RPS6KC1: variants seen among roughly 807,000 people sequenced by gnomAD.
RPS6KC1 encodes the protein ribosomal protein S6 kinase C1.
A neutral mutation model predicts 103.8 loss-of-function variants in RPS6KC1; 54 were observed. The ratio of observed to expected loss-of-function variants is 0.52; its 90% CI spans 0.42 to 0.65. RPS6KC1 has a LOEUF of 0.65. Ranked by LOEUF, RPS6KC1 falls within the 30% of genes least tolerant of loss-of-function variation. The pLI is 0.00. For synonymous variants in RPS6KC1, 439 were observed against 438.7 expected (o/e 1.00, Z -0.01); for missense variants, 1,151 against 1,253.8 (o/e 0.92, Z 1.24).
At chr1:213,571,443 GAA>G in the RPS6KC1 span, among the ~76,000 whole-genome samples, 1 of 152,144 alleles carries the variant, frequency 6.6e-6, no homozygotes, top group African/African-American at 2.4e-5. Flanking sequence ...TGGGTCTTGG[GAA>G]GCAGAGAGGA....
the RPS6KC1 span, among the ~76,000 whole-genome samples, chr1:213,602,746 A>G: frequency 6.6e-6 from 1 of 152,202 alleles, no homozygotes; most frequent in Admixed American, 6.5e-5. Flanking sequence ...AGCCAGAGGT[A>G]GTAGATGCCA....
At chr1:213,462,997 T>A in the RPS6KC1 span, among the ~76,000 whole-genome samples, 1 of 152,210 alleles carries the variant, frequency 6.6e-6, no homozygotes, top group Admixed American at 6.5e-5. Flanking sequence ...GAGGCCTTAT[T>A]CTTAGGCCAC....
At chr1:213,836,409 C>A in the RPS6KC1 span, among the ~76,000 whole-genome samples, 1 of 152,104 alleles carries the variant, frequency 6.6e-6, no homozygotes, top group Non-Finnish European at 1.5e-5. Flanking sequence ...ACATGCACAA[C>A]CACACTTAAA....
the RPS6KC1 span, among the ~76,000 whole-genome samples, chr1:213,497,958 A>C: frequency 6.6e-6 from 1 of 152,186 alleles, no homozygotes; most frequent in Non-Finnish European, 1.5e-5. Flanking sequence ...AGATATAACT[A>C]AATAAACTAA....
the RPS6KC1 span, among the ~76,000 whole-genome samples, chr1:213,441,654 C>A: frequency 1.3e-5 from 2 of 152,188 alleles, no homozygotes; most frequent in Non-Finnish European, 2.9e-5. Context: ...ACCTTGGGTG[C>A]AGACATCTCT....
the RPS6KC1 span, among the ~76,000 whole-genome samples, chr1:213,437,777 A>AT: frequency 9.3e-5 from 14 of 150,776 alleles, no homozygotes; most frequent in Admixed American, 6.6e-4. Flanking sequence ...ATTCGCTGGG[A>AT]TTTTTTTAGC....
At chr1:213,281,667 C>G in the RPS6KC1 span, among the ~76,000 whole-genome samples, 1 of 152,242 alleles carries the variant, frequency 6.6e-6, no homozygotes, top group East Asian at 1.9e-4. Context: ...TTGCCACTCT[C>G]TGTCCCTCTG....
chr1:213,447,188 C>T, the RPS6KC1 span, among the ~76,000 whole-genome samples: 3 of 152,140 alleles, frequency 2.0e-5, no homozygotes, highest in African/African-American at 7.2e-5. Context: ...CTACCTCAGC[C>T]TCATAAGTAG....
chr1:213,283,419 C>A, the RPS6KC1 span, among the ~76,000 whole-genome samples: 1 of 152,104 alleles, frequency 6.6e-6, no homozygotes, highest in South Asian at 2.1e-4. Context: ...TCCCAAAGTA[C>A]AAGCAGTTGG....
chr1:213,791,065 A>T, the RPS6KC1 span, among the ~76,000 whole-genome samples: 1 of 100,242 alleles, frequency 1.0e-5, no homozygotes. Flanking sequence ...AAATCTATGA[A>T]ATATAAGAAT....
chr1:213,680,292 T>TA, the RPS6KC1 span, among the ~76,000 whole-genome samples: 1 of 152,276 alleles, frequency 6.6e-6, no homozygotes, highest in East Asian at 1.9e-4. Flanking sequence ...TTGTGCCTGT[T>TA]ACGTGAAAAA....
chr1:213,145,422 G>A (rs6671872), intron 6 of RPS6KC1, among the ~76,000 whole-genome samples: 110,763 of 151,944 alleles, frequency 0.73, 41,343 homozygotes, highest in African/African-American at 0.88. Flanking sequence ...TGTCCAGTGT[G>A]TTGTCTAGAG....
the RPS6KC1 span, among the ~76,000 whole-genome samples, chr1:213,784,450 C>T: frequency 6.6e-6 from 1 of 152,230 alleles, no homozygotes; most frequent in African/African-American, 2.4e-5. Flanking sequence ...TTGAGCTCCT[C>T]TCACATTGCT....
At chr1:213,116,254 A>T (rs1572629812) in intron 4 of RPS6KC1, among the ~76,000 whole-genome samples, 3 of 151,840 alleles carry the variant, frequency 2.0e-5, no homozygotes, top group African/African-American at 7.3e-5. Context: ...GGGTGCATAT[A>T]TATTTAGGAT....
intron 12 of RPS6KC1, 39 bp from the exon 13 acceptor site, chr1:213,261,519 C>T (rs769744592): frequency 5.1e-6 from 8 of 1,575,660 alleles, no homozygotes; most frequent in African/African-American, 1.3e-5. Flanking sequence ...TTTAATTGAC[C>T]TTTGGAATTT....
At chr1:213,096,372 G>A (rs1558307953) in intron 3 of RPS6KC1, among the ~76,000 whole-genome samples, 1 of 152,136 alleles carries the variant, frequency 6.6e-6, no homozygotes, top group Non-Finnish European at 1.5e-5. Flanking sequence ...TCATCCATGA[G>A]GGTTACAATC....
At chr1:213,578,170 G>A in the RPS6KC1 span, among the ~76,000 whole-genome samples, 1 of 152,232 alleles carries the variant, frequency 6.6e-6, no homozygotes, top group Non-Finnish European at 1.5e-5. Context: ...AAAAGCCTTG[G>A]CAGCTTACAC....
chr1:213,798,949 G>A, the RPS6KC1 span, among the ~76,000 whole-genome samples: 1 of 152,296 alleles, frequency 6.6e-6, no homozygotes, highest in Non-Finnish European at 1.5e-5. Context: ...TCCATGGCTG[G>A]AGCATATTGG....
At chr1:213,202,399 G>A (rs2148587953) in intron 8 of RPS6KC1, among the ~76,000 whole-genome samples, 1 of 150,704 alleles carries the variant, frequency 6.6e-6, no homozygotes, top group East Asian at 2.0e-4. Flanking sequence ...TCACTTTTGA[G>A]ATCAGGAGTT....
Sources: allele counts gnomAD v4.1 joint callset (sites outside exome capture counted in the v4.1 genomes callset), GRCh38; gene constraint gnomAD v4.1.1; transcripts MANE v1.5; gene names NCBI Gene and HGNC (gene_info 2026-07-23, HGNC 2026-07-21).